UBE2D2: variants seen among roughly 807,000 people sequenced by gnomAD.
The protein encoded by UBE2D2 is ubiquitin conjugating enzyme E2 D2.
UBE2D2 carries 2 observed loss-of-function variants against 24.2 expected under a neutral mutation model. The observed-to-expected ratio is 0.08, with a 90% CI of 0.03 to 0.26. The LOEUF (loss-of-function observed/expected upper bound fraction) is 0.26. UBE2D2 is among the 10% of genes least tolerant of loss of function. The pLI, the probability that UBE2D2 is intolerant of heterozygous loss-of-function variation, is 1.00. For synonymous variants in UBE2D2, 58 were observed against 56.5 expected (o/e 1.03, Z -0.12); for missense variants, 44 against 177.6 (o/e 0.25, Z 4.28).
intron 1 of UBE2D2, among the ~76,000 whole-genome samples, chr5:139,546,223 T>C (rs1373682675): frequency 6.7e-6 from 1 of 149,180 alleles, no homozygotes; most frequent in Non-Finnish European, 1.5e-5. Flanking sequence ...TTTGTATTTG[T>C]AGTAGAGACG....
intron 2 of UBE2D2, among the ~76,000 whole-genome samples, chr5:139,606,196 C>G (rs1754196464): frequency 6.6e-6 from 1 of 152,070 alleles, no homozygotes; most frequent in Non-Finnish European, 1.5e-5. Flanking sequence ...GAGTCTCACT[C>G]TGTTGCCCGG....
intron 5 of UBE2D2, among the ~76,000 whole-genome samples, chr5:139,622,103 G>C (rs1581535161): frequency 6.6e-6 from 1 of 152,304 alleles, no homozygotes; most frequent in Admixed American, 6.5e-5. Flanking sequence ...CAGGCATAAA[G>C]ACAGTCATAT....
chr5:139,550,853 C>G (rs1399757166), intron 1 of UBE2D2, among the ~76,000 whole-genome samples: 1 of 152,128 alleles, frequency 6.6e-6, no homozygotes, highest in African/African-American at 2.4e-5. Flanking sequence ...TCAGAAAGAA[C>G]AAACTCCGGA....
chr5:139,575,679 A>G (rs931868641), intron 1 of UBE2D2, among the ~76,000 whole-genome samples: 1 of 152,208 alleles, frequency 6.6e-6, no homozygotes, highest in Non-Finnish European at 1.5e-5. Flanking sequence ...CATCATGCCA[A>G]TATAAGTGAT....
chr5:139,599,688 G>A (rs1754031734), intron 1 of UBE2D2: 1 of 152,046 alleles, frequency 6.6e-6, no homozygotes, highest in Non-Finnish European at 1.5e-5. Flanking sequence ...AGTCAGCTGA[G>A]ATTGCGCCAC....
chr5:139,583,034 G>T (rs1753641898), intron 1 of UBE2D2, among the ~76,000 whole-genome samples: 1 of 151,568 alleles, frequency 6.6e-6, no homozygotes, highest in Admixed American at 6.6e-5. Context: ...GAGTGCAATG[G>T]CACGATCTTG....
At chr5:139,591,857 G>A (rs1193023356) in intron 1 of UBE2D2, among the ~76,000 whole-genome samples, 1 of 152,144 alleles carries the variant, frequency 6.6e-6, no homozygotes, top group Admixed American at 6.6e-5. Flanking sequence ...GTGAGGCAGG[G>A]AGAATGCAGG....
At chr5:139,622,709 G>A (rs987646191) in intron 5 of UBE2D2, among the ~76,000 whole-genome samples, 11 of 149,388 alleles carry the variant, frequency 7.4e-5, no homozygotes, top group Non-Finnish European at 1.2e-4. Context: ...CTAACACGGT[G>A]AAACCCCCGT....
intron 2 of UBE2D2, among the ~76,000 whole-genome samples, chr5:139,607,171 A>G (rs1754217795): frequency 6.6e-6 from 1 of 152,202 alleles, no homozygotes; most frequent in Admixed American, 6.6e-5. Flanking sequence ...AGCTTCTCTG[A>G]TTTATACTTC....
chr5:139,599,580 C>T (rs1754028603), intron 1 of UBE2D2: 1 of 151,652 alleles, frequency 6.6e-6, no homozygotes, highest in Admixed American at 6.6e-5. Context: ...ACTAAAAATA[C>T]AAAAAGTTAG....
chr5:139,590,788 T>C (rs927630155), intron 1 of UBE2D2, among the ~76,000 whole-genome samples: 17 of 121,014 alleles, frequency 1.4e-4, no homozygotes, highest in African/African-American at 4.9e-4. Context: ...TCTTCTTTTT[T>C]TTTTTTTTTT....
intron 1 of UBE2D2, among the ~76,000 whole-genome samples, chr5:139,582,949 C>T (rs1005842721): frequency 4.0e-4 from 60 of 150,664 alleles, no homozygotes; most frequent in African/African-American, 1.4e-3. Context: ...GGATTACAGG[C>T]GTGAGCCACT....
chr5:139,530,293 G>C (rs115092975), intron 1 of UBE2D2, among the ~76,000 whole-genome samples: 3,899 of 152,232 alleles, frequency 0.026, 165 homozygotes, highest in African/African-American at 0.088. Context: ...TGCCTGATCA[G>C]GACAGGTAGC....
intron 1 of UBE2D2, among the ~76,000 whole-genome samples, chr5:139,566,034 T>TC (rs1753208784): frequency 6.7e-6 from 1 of 150,288 alleles, no homozygotes; most frequent in Non-Finnish European, 1.5e-5. Flanking sequence ...TTTCTTTCTT[T>TC]TTTTTTTTTT....
intron 5 of UBE2D2, among the ~76,000 whole-genome samples, chr5:139,616,037 T>C (rs1277086395): frequency 6.6e-6 from 1 of 151,322 alleles, no homozygotes; most frequent in East Asian, 2.0e-4. Context: ...GGTTTCGCCA[T>C]GTTGGCCAGG....
chr5:139,544,837 C>T (rs551929416), intron 1 of UBE2D2, among the ~76,000 whole-genome samples: 7 of 151,402 alleles, frequency 4.6e-5, no homozygotes, highest in East Asian at 3.9e-4. Context: ...AGTGCAGTGG[C>T]GCGATCTCGG....
intron 1 of UBE2D2, among the ~76,000 whole-genome samples, chr5:139,597,405 A>G (rs1753983166): frequency 6.6e-6 from 1 of 152,196 alleles, no homozygotes; most frequent in Admixed American, 6.5e-5. Flanking sequence ...GAAGTGTTGA[A>G]TGAGTGTGTT....
intron 1 of UBE2D2, among the ~76,000 whole-genome samples, chr5:139,543,533 G>T (rs1752784308): frequency 6.6e-6 from 1 of 152,230 alleles, no homozygotes; most frequent in Non-Finnish European, 1.5e-5. Flanking sequence ...TACCCCGCCG[G>T]AGGGCGCCAG....
Position 139,627,109 on chromosome 5 carries a change from T to C in UBE2D2, c.*308T>C. The C allele has an allele frequency of 3.4e-6, 1 of 296,154 alleles. No individual in the cohort carries two copies. The highest frequency in any genetic ancestry group is 6.4e-6 in the Non-Finnish European group (1 of 157,084). 18.3% of individuals were successfully genotyped at this position (296,154 alleles called of 1,614,324 possible). On this transcript the variant is annotated 3_prime_UTR_variant, in exon 7 of 7. Transcript: ENST00000398733. The stretch of plus-strand genomic sequence containing the variant: ...GACTTAAATTTGGATAACAGCAAGG[T>C]GTGAGGGGGGTGGTGGGTATGGTGT...
Sources: gnomAD v4.1 joint callset for allele counts (sites outside exome capture counted in the v4.1 genomes callset) on GRCh38, gnomAD v4.1.1 for gene constraint, MANE v1.5 for transcripts, NCBI Gene and HGNC (gene_info 2026-07-23, HGNC 2026-07-21) for gene names.